Variants in CNTN1 observed in about 807,000 individuals in gnomAD.
CNTN1 encodes the protein contactin 1, also known as contactin-1.
Under a neutral mutation model 126.4 loss-of-function variants are expected in CNTN1, and 38 were observed. The observed-to-expected ratio is 0.30, with a 90% confidence interval of 0.23 to 0.39. The LOEUF (loss-of-function observed/expected upper bound fraction) is 0.39, where lower values mean the gene tolerates loss of function less well. Among genes scored for constraint, CNTN1 ranks in the 10% least tolerant of loss-of-function variants. The probability of loss-of-function intolerance (pLI) is 1.00; values close to 1 mark genes in which losing one functional copy is unlikely to be tolerated. For synonymous variants in CNTN1, 413 were observed against 422.6 expected (o/e 0.98, Z 0.28); for missense variants, 1,009 against 1,248.4 (o/e 0.81, Z 2.89).
chr12:40,806,428 G>T (rs762018301), intron 1 of CNTN1, among the ~76,000 whole-genome samples: 2 of 152,084 alleles, frequency 1.3e-5, no homozygotes, highest in African/African-American at 4.8e-5. Flanking sequence ...CTGTGGTTAT[G>T]AGACCTTACC....
chr12:41,036,124 T>A (rs1188842965), intron 23 of CNTN1, among the ~76,000 whole-genome samples: 1 of 152,134 alleles, frequency 6.6e-6, no homozygotes, highest in Non-Finnish European at 1.5e-5. Context: ...TACTGTAGGT[T>A]TTTTTATGAC....
intron 6 of CNTN1, among the ~76,000 whole-genome samples, chr12:40,927,291 G>A (rs1368751482): frequency 6.6e-6 from 1 of 152,066 alleles, no homozygotes; most frequent in Non-Finnish European, 1.5e-5. Flanking sequence ...TCTGTGTGGG[G>A]CTAGGAAAGA....
At chr12:41,027,436 G>A (rs1949058561) in intron 21 of CNTN1, among the ~76,000 whole-genome samples, 1 of 152,144 alleles carries the variant, frequency 6.6e-6, no homozygotes, top group Non-Finnish European at 1.5e-5. Context: ...AAACCCAGTT[G>A]TTAAGATCTG....
intron 6 of CNTN1, among the ~76,000 whole-genome samples, chr12:40,925,678 G>T (rs947193607): frequency 6.9e-6 from 1 of 145,012 alleles, no homozygotes; most frequent in Non-Finnish European, 1.5e-5. Flanking sequence ...TCAAATATTT[G>T]TGATTTTCTC....
intron 1 of CNTN1, among the ~76,000 whole-genome samples, chr12:40,777,140 T>G (rs1385908094): frequency 2.0e-5 from 3 of 151,616 alleles, no homozygotes; most frequent in Non-Finnish European, 4.4e-5. Context: ...AAAGCGAAAA[T>G]CATCTGTCTT....
chr12:41,000,209 C>A (rs530131418), intron 17 of CNTN1, among the ~76,000 whole-genome samples: 309 of 152,212 alleles, frequency 2.0e-3, no homozygotes, highest in Admixed American at 3.9e-3. Flanking sequence ...TAATGAAAAA[C>A]ATTTCAGTAA....
At chr12:40,765,830 G>A (rs970832050) in intron 1 of CNTN1, among the ~76,000 whole-genome samples, 4 of 152,178 alleles carry the variant, frequency 2.6e-5, no homozygotes, top group Non-Finnish European at 4.4e-5. Flanking sequence ...ACAGGTCACT[G>A]GGGACACAAA....
chr12:40,905,191 T>C (rs1398091525), intron 1 of CNTN1, among the ~76,000 whole-genome samples: 1 of 152,224 alleles, frequency 6.6e-6, no homozygotes, highest in East Asian at 1.9e-4. Flanking sequence ...AATTACATTC[T>C]AGCCCTAGAA....
intron 1 of CNTN1, among the ~76,000 whole-genome samples, chr12:40,889,303 A>C (rs889872281): frequency 5.9e-5 from 9 of 152,336 alleles, no homozygotes; most frequent in Non-Finnish European, 1.2e-4. Context: ...AAAGAAAACA[A>C]AACAAAATTG....
At chr12:40,958,481 C>A (rs1032842859) in intron 14 of CNTN1, among the ~76,000 whole-genome samples, 4 of 151,760 alleles carry the variant, frequency 2.6e-5, no homozygotes, top group African/African-American at 9.7e-5. Flanking sequence ...GAAATGGTGT[C>A]TCATCATCAC....
chr12:41,022,241 G>C (rs867747327), intron 20 of CNTN1, among the ~76,000 whole-genome samples: 7 of 152,154 alleles, frequency 4.6e-5, no homozygotes, highest in Middle Eastern at 3.4e-3. Context: ...CCTTGATTAA[G>C]GATTTTCACA....
intron 14 of CNTN1, among the ~76,000 whole-genome samples, chr12:40,958,657 G>A (rs532879642): frequency 2.0e-5 from 3 of 152,080 alleles, no homozygotes; most frequent in African/African-American, 7.2e-5. Flanking sequence ...CAAACTTTTA[G>A]TATCTTTGTA....
At chr12:40,871,496 T>G (rs1192875992) in intron 1 of CNTN1, among the ~76,000 whole-genome samples, 1 of 152,102 alleles carries the variant, frequency 6.6e-6, no homozygotes, top group Non-Finnish European at 1.5e-5. Context: ...ATTTGGGATA[T>G]TCTGAAGCTA....
intron 15 of CNTN1, chr12:40,971,382 C>A: frequency 6.7e-7 from 1 of 1,490,054 alleles, no homozygotes; most frequent in South Asian, 1.2e-5. Context: ...GGCTTCCTGC[C>A]CCTAATTGGG....
chr12:40,960,431 C>G (rs376945578), intron 15 of CNTN1, among the ~76,000 whole-genome samples: 1 of 151,948 alleles, frequency 6.6e-6, no homozygotes, highest in African/African-American at 2.4e-5. Flanking sequence ...TTTTAATTCT[C>G]CTTCCACATC....
chr12:40,858,389 A>G (rs1008658990), intron 1 of CNTN1, among the ~76,000 whole-genome samples: 59 of 152,320 alleles, frequency 3.9e-4, no homozygotes, highest in African/African-American at 1.3e-3. Flanking sequence ...AAACAATATG[A>G]AAAAAAGCTG....
chr12:40,998,707 G>A (rs1310571764), intron 17 of CNTN1, among the ~76,000 whole-genome samples: 2 of 152,046 alleles, frequency 1.3e-5, no homozygotes, highest in Admixed American at 6.6e-5. Flanking sequence ...AAAAAAGAAT[G>A]TATGTATAAA....
At chr12:40,910,009 A>T (rs1468950531) in intron 2 of CNTN1, 64 bp from the exon 3 acceptor site, 15 of 1,219,438 alleles carry the variant, frequency 1.2e-5, no homozygotes, top group Non-Finnish European at 1.8e-5. Context: ...TATTTAAGTA[A>T]TGTTTGAAAC....
At position 40,697,475 on chromosome 12, in the gene CNTN1, G is replaced by C. The variant is rs182602836; in HGVS notation, c.-77+4883G>C. On this transcript the variant is annotated intron_variant, in intron 1 of 23. Coordinates refer to ENST00000551295, the MANE Select transcript of CNTN1 (RefSeq NM_001843.4). Reference sequence around the variant, plus strand: ...TGTAATAGGAAATCTGAGGTATACTGCAAAAATTGTCTGCATCTTGTTCTT... The same window carrying C: ...TGTAATAGGAAATCTGAGGTATACTCCAAAAATTGTCTGCATCTTGTTCTT... 9.2e-5 allele frequency among the ~76,000 whole-genome samples: 14 copies of C among 152,256 alleles called. No individual in the cohort carries two copies. In the East Asian group the frequency reaches 2.7e-3, roughly 29 times the overall value.
Sources: allele counts gnomAD v4.1 joint callset (sites outside exome capture counted in the v4.1 genomes callset), GRCh38; gene constraint gnomAD v4.1.1; transcripts MANE v1.5; gene names NCBI Gene and HGNC (gene_info 2026-07-23, HGNC 2026-07-21).